Variants in HECW2 observed in about 807,000 individuals in gnomAD.
HECW2 encodes the protein E3 ubiquitin-protein ligase HECW2.
HECW2 carries 61 observed loss-of-function variants against 175.2 expected under a neutral mutation model. The ratio of observed to expected loss-of-function variants is 0.35; its 90% CI spans 0.28 to 0.43. The LOEUF is 0.43. Ranked by LOEUF, HECW2 falls within the 20% of genes least tolerant of loss-of-function variation. The pLI is 1.00. For missense variants in HECW2, 1,524 were observed against 2,000.5 expected (o/e 0.76, Z 4.54); for synonymous variants, 671 against 731.0 (o/e 0.92, Z 1.32).
At chr2:196,587,448 A>G (rs1361109987) in intron 1 of HECW2, among the ~76,000 whole-genome samples, 1 of 152,210 alleles carries the variant, frequency 6.6e-6, no homozygotes, top group Non-Finnish European at 1.5e-5. Context: ...CCTTGTCTCT[A>G]TACATACATA....
intron 1 of HECW2, among the ~76,000 whole-genome samples, chr2:196,500,000 G>A (rs1368727540): frequency 6.6e-6 from 1 of 151,990 alleles, no homozygotes; most frequent in East Asian, 1.9e-4. Flanking sequence ...ACAGCAGATG[G>A]AATAATGAGT....
chr2:196,304,054 G>A (rs1205193188), intron 13 of HECW2, among the ~76,000 whole-genome samples: 1 of 152,172 alleles, frequency 6.6e-6, no homozygotes, highest in South Asian at 2.1e-4. Context: ...CAGCTAGAAG[G>A]AACTTAAAAA....
chr2:196,257,566 A>G (rs1333224075), intron 18 of HECW2, among the ~76,000 whole-genome samples: 2 of 152,206 alleles, frequency 1.3e-5, no homozygotes, highest in Non-Finnish European at 2.9e-5. Flanking sequence ...TCTATTCATT[A>G]CAACCTTTCC....
chr2:196,559,692 A>C (rs2125497477), intron 1 of HECW2, among the ~76,000 whole-genome samples: 1 of 152,340 alleles, frequency 6.6e-6, no homozygotes, highest in Middle Eastern at 3.4e-3. Flanking sequence ...CCACCTTTAG[A>C]AAGAATACAG....
chr2:196,308,110 G>C, intron 10 of HECW2, 25 bp from the exon 11 acceptor site: 1 of 1,520,966 alleles, frequency 6.6e-7, no homozygotes, highest in Non-Finnish European at 8.9e-7. Context: ...GGCACCGAAA[G>C]GAATTAGGAG....
intron 1 of HECW2, among the ~76,000 whole-genome samples, chr2:196,463,998 C>CTT (rs1696846508): frequency 1.3e-5 from 2 of 151,718 alleles, no homozygotes; most frequent in African/African-American, 4.8e-5. Flanking sequence ...TTTTATTTTA[C>CTT]TTTCAAATCC....
At chr2:196,477,783 G>A (rs1686700757) in intron 1 of HECW2, among the ~76,000 whole-genome samples, 1 of 152,158 alleles carries the variant, frequency 6.6e-6, no homozygotes, top group Non-Finnish European at 1.5e-5. Flanking sequence ...TGGGTGCAGT[G>A]ACTCACACCT....
intron 1 of HECW2, among the ~76,000 whole-genome samples, chr2:196,476,202 G>T (rs1339968283): frequency 1.3e-5 from 2 of 151,924 alleles, no homozygotes; most frequent in East Asian, 3.9e-4. Flanking sequence ...CCAGCATTTT[G>T]GGAGGCCTAG....
At chr2:196,312,284 C>T (rs1691526595) in intron 10 of HECW2, among the ~76,000 whole-genome samples, 1 of 152,068 alleles carries the variant, frequency 6.6e-6, no homozygotes, top group African/African-American at 2.4e-5. Flanking sequence ...AATTGGTTAT[C>T]ATTGGATTTA....
intron 1 of HECW2, among the ~76,000 whole-genome samples, chr2:196,544,829 T>A (rs1301406755): frequency 6.6e-6 from 1 of 152,138 alleles, no homozygotes; most frequent in Non-Finnish European, 1.5e-5. Context: ...GAACAGGGGC[T>A]GGGGGAACAG....
At chr2:196,539,211 A>T (rs1307891682) in intron 1 of HECW2, among the ~76,000 whole-genome samples, 1 of 152,176 alleles carries the variant, frequency 6.6e-6, no homozygotes, top group Non-Finnish European at 1.5e-5. Flanking sequence ...TTAACCTCTC[A>T]GGCTCATTTT....
In HECW2 at chr2:196,257,894, T is replaced by C. The variant is rs1018586599; in HGVS notation, c.3348A>G (p.Gln1116=). Reference sequence around the variant, plus strand: ...CTGGAGTCCCTTCAGTTCGGATAAATTGGATCTTCTCCCTAATCAAGAAAA... The same window carrying C: ...CTGGAGTCCCTTCAGTTCGGATAAACTGGATCTTCTCCCTAATCAAGAAAA... ...TRNHSLREKI[Q]FIRTEGTPGL... Residue 1116 remains glutamine, a synonymous_variant, in exon 18 of 29, where the codon CAA becomes CAG. Transcript: ENST00000644978. The C allele has an allele frequency of 3.1e-6, 5 of 1,613,366 alleles. No individual in the cohort carries two copies. In the African/African-American group the frequency reaches 5.3e-5, roughly 17 times the overall value.
chr2:196,495,812 G>A (rs1049956249), intron 1 of HECW2, among the ~76,000 whole-genome samples: 2 of 152,152 alleles, frequency 1.3e-5, no homozygotes, highest in Non-Finnish European at 2.9e-5. Context: ...ACAGGCAGCT[G>A]GCATCATATT....
intron 2 of HECW2, among the ~76,000 whole-genome samples, chr2:196,362,481 T>C (rs756194513): frequency 1.3e-5 from 2 of 152,074 alleles, no homozygotes; most frequent in Non-Finnish European, 2.9e-5. Context: ...GAACTCCAAC[T>C]TACCATTACC....
At chr2:196,480,493 A>G (rs1312622527) in intron 1 of HECW2, among the ~76,000 whole-genome samples, 4 of 152,180 alleles carry the variant, frequency 2.6e-5, no homozygotes, top group African/African-American at 4.8e-5. Context: ...GACAGGTAGC[A>G]TATTCCATCC....
chr2:196,564,588 G>A (rs1303112955), intron 1 of HECW2, among the ~76,000 whole-genome samples: 1 of 152,108 alleles, frequency 6.6e-6, no homozygotes, highest in African/African-American at 2.4e-5. Context: ...TGGATCTTAT[G>A]AGTGCTGCTT....
intron 2 of HECW2, among the ~76,000 whole-genome samples, chr2:196,346,992 A>C (rs1250686972): frequency 1.6e-5 from 2 of 128,730 alleles, no homozygotes; most frequent in East Asian, 2.3e-4. Flanking sequence ...TGGGCGACAG[A>C]GTGAGACTCC....
chr2:196,206,383 A>T (rs1687068159), intron 28 of HECW2, among the ~76,000 whole-genome samples: 1 of 152,212 alleles, frequency 6.6e-6, no homozygotes, highest in Non-Finnish European at 1.5e-5. Flanking sequence ...AAAAATGTTA[A>T]TCAGGAGGTC....
chr2:196,493,554 A>C (rs1172043140), intron 1 of HECW2, among the ~76,000 whole-genome samples: 2 of 152,192 alleles, frequency 1.3e-5, no homozygotes, highest in Non-Finnish European at 2.9e-5. Context: ...TGTAACTCTC[A>C]CAGCAAACAA....
Sources: gnomAD v4.1 joint callset for allele counts (sites outside exome capture counted in the v4.1 genomes callset) on GRCh38, gnomAD v4.1.1 for gene constraint, MANE v1.5 for transcripts, NCBI Gene and HGNC (gene_info 2026-07-23, HGNC 2026-07-21) for gene names.